The following CADM2 variants were observed in gnomAD, a reference collection of about 807,000 sequenced individuals.
CADM2 encodes the protein cell adhesion molecule 2, also known as immunoglobulin superfamily member 4D.
CADM2 carries 12 observed loss-of-function variants against 49.8 expected under a neutral mutation model. The ratio of observed to expected loss-of-function variants is 0.24; its 90% confidence interval spans 0.15 to 0.39. The LOEUF is 0.39. CADM2 is among the 10% of genes least tolerant of loss of function. The probability of loss-of-function intolerance (pLI) is 1.00; values close to 1 mark genes in which losing one functional copy is unlikely to be tolerated. For missense variants in CADM2, 378 were observed against 492.3 expected (o/e 0.77, Z 2.20); for synonymous variants, 214 against 175.4 (o/e 1.22, Z -1.74).
chr3:85,829,720 C>T (rs1034699587), intron 3 of CADM2, among the ~76,000 whole-genome samples: 3 of 151,900 alleles, frequency 2.0e-5, no homozygotes, highest in African/African-American at 7.3e-5. Context: ...CTCTCTGCTC[C>T]TCTGAGTTCA....
At chr3:85,287,212 T>C (rs2043655002) in intron 1 of CADM2, among the ~76,000 whole-genome samples, 2 of 151,994 alleles carry the variant, frequency 1.3e-5, no homozygotes, top group Non-Finnish European at 2.9e-5. Flanking sequence ...ATTCCTGCAT[T>C]AGTTCCCATC....
intron 1 of CADM2, among the ~76,000 whole-genome samples, chr3:85,422,601 T>C (rs2107500977): frequency 6.6e-6 from 1 of 152,252 alleles, no homozygotes; most frequent in East Asian, 1.9e-4. Flanking sequence ...ACTTCCATAT[T>C]ATAGCTTCAT....
chr3:85,643,152 T>C (rs1218356092), intron 1 of CADM2, among the ~76,000 whole-genome samples: 2 of 152,156 alleles, frequency 1.3e-5, no homozygotes, highest in African/African-American at 2.4e-5. Flanking sequence ...ACCATAAAAA[T>C]GGAATGGTGA....
chr3:85,519,993 C>T (rs879202008), intron 1 of CADM2, among the ~76,000 whole-genome samples: 39 of 152,068 alleles, frequency 2.6e-4, no homozygotes, highest in African/African-American at 8.9e-4. Context: ...TAACAATTAA[C>T]ATTAATTTTC....
At chr3:86,019,846 T>G (rs1219640276) in intron 8 of CADM2, among the ~76,000 whole-genome samples, 2 of 152,158 alleles carry the variant, frequency 1.3e-5, no homozygotes, top group Admixed American at 6.5e-5. Flanking sequence ...TGACTTCCTC[T>G]TCTCCTAATT....
chr3:86,012,971 TCAAAAA>T (rs780337451), intron 8 of CADM2: 5 of 794,962 alleles, frequency 6.3e-6, no homozygotes, highest in East Asian at 2.6e-5. Flanking sequence ...AGACTCCATC[TCAAAAA>T]CAAAAACAAA....
intron 1 of CADM2, among the ~76,000 whole-genome samples, chr3:85,510,194 G>A (rs762263642): frequency 1.3e-5 from 2 of 152,000 alleles, no homozygotes; most frequent in African/African-American, 4.8e-5. Flanking sequence ...TCCTTTATAA[G>A]GAGCTATGTG....
At chr3:85,940,164 CAAA>C (rs10527231) in intron 7 of CADM2, among the ~76,000 whole-genome samples, 127 of 52,170 alleles carry the variant, frequency 2.4e-3, no homozygotes, top group African/African-American at 6.6e-3. Context: ...ACTAAAAATA[CAAA>C]AAAAAAAAAA....
intron 1 of CADM2, among the ~76,000 whole-genome samples, chr3:85,111,689 C>T (rs1310311993): frequency 6.6e-6 from 1 of 151,570 alleles, no homozygotes; most frequent in Non-Finnish European, 1.5e-5. Flanking sequence ...TATTTGATAG[C>T]ACAATAGAGT....
At chr3:85,865,751 G>A (rs1006020608) in intron 3 of CADM2, among the ~76,000 whole-genome samples, 4 of 152,228 alleles carry the variant, frequency 2.6e-5, no homozygotes, top group Non-Finnish European at 4.4e-5. Flanking sequence ...TGAGAGGGAC[G>A]CAGATAAATG....
At chr3:85,034,814 T>C (rs1398304931) in intron 1 of CADM2, among the ~76,000 whole-genome samples, 1 of 138,908 alleles carries the variant, frequency 7.2e-6, no homozygotes, top group South Asian at 2.3e-4. Context: ...TTTTTTTTTT[T>C]ACCTCCTGAG....
chr3:85,724,305 A>G (rs1360187181), intron 1 of CADM2, among the ~76,000 whole-genome samples: 1 of 151,892 alleles, frequency 6.6e-6, no homozygotes, highest in Non-Finnish European at 1.5e-5. Flanking sequence ...CTCTCCAAAT[A>G]TTTCCAACTC....
chr3:85,457,922 T>A (rs79304271), intron 1 of CADM2, among the ~76,000 whole-genome samples: 2,533 of 152,280 alleles, frequency 0.017, 29 homozygotes, highest in Non-Finnish European at 0.026. Flanking sequence ...CTCCTAGTAC[T>A]TTTCTACTCT....
chr3:85,805,216 T>C (rs1178445445), intron 3 of CADM2, among the ~76,000 whole-genome samples: 1 of 152,130 alleles, frequency 6.6e-6, no homozygotes, highest in African/African-American at 2.4e-5. Context: ...AGTTCTGGGA[T>C]TACAGGCATG....
chr3:85,348,728 A>AT, intron 1 of CADM2, among the ~76,000 whole-genome samples: 1 of 152,172 alleles, frequency 6.6e-6, no homozygotes, highest in African/African-American at 2.4e-5. Context: ...GCAATCTATT[A>AT]AAATGTGAGA....
At chr3:85,356,137 T>G (rs192631048) in intron 1 of CADM2, among the ~76,000 whole-genome samples, 1 of 152,138 alleles carries the variant, frequency 6.6e-6, no homozygotes, top group African/African-American at 2.4e-5. Flanking sequence ...GCCTATCTAG[T>G]GGGTGAGGTA....
chr3:84,969,895 A>G (rs960538480), intron 1 of CADM2, among the ~76,000 whole-genome samples: 1 of 151,932 alleles, frequency 6.6e-6, no homozygotes, highest in Non-Finnish European at 1.5e-5. Flanking sequence ...TCTAGCTTCA[A>G]AAATATTCCT....
intron 1 of CADM2, among the ~76,000 whole-genome samples, chr3:85,629,399 G>GCA (rs139540843): frequency 4.6e-5 from 7 of 150,956 alleles, no homozygotes; most frequent in African/African-American, 7.3e-5. Flanking sequence ...TAGCATGCAT[G>GCA]CACACACACA....
At chr3:85,637,815 T>C (rs2064563280) in intron 1 of CADM2, among the ~76,000 whole-genome samples, 1 of 152,038 alleles carries the variant, frequency 6.6e-6, no homozygotes, top group Non-Finnish European at 1.5e-5. Flanking sequence ...TCAAGACTGC[T>C]TTCCTCCAGG....
Sources: gnomAD v4.1 joint callset for allele counts (sites outside exome capture counted in the v4.1 genomes callset) on GRCh38, gnomAD v4.1.1 for gene constraint, MANE v1.5 for transcripts, NCBI Gene and HGNC (gene_info 2026-07-23, HGNC 2026-07-21) for gene names.